The following ELMO1 variants were observed in gnomAD, a reference collection of about 807,000 sequenced individuals.
The protein encoded by ELMO1 is engulfment and cell motility 1, also known as engulfment and cell motility protein 1.
A neutral mutation model predicts 98.9 loss-of-function variants in ELMO1; 26 were observed. That is an observed-to-expected ratio of 0.26 (90% CI 0.19 to 0.36). The LOEUF (loss-of-function observed/expected upper bound fraction) is 0.36, where lower values mean the gene tolerates loss of function less well. ELMO1 is among the 10% of genes least tolerant of loss of function. The probability of loss-of-function intolerance (pLI) is 1.00; values close to 1 mark genes in which losing one functional copy is unlikely to be tolerated. For synonymous variants in ELMO1, 346 were observed against 346.0 expected (o/e 1.00, Z 0.00); for missense variants, 627 against 935.2 (o/e 0.67, Z 4.30).
intron 15 of ELMO1, among the ~76,000 whole-genome samples, chr7:37,030,426 CAA>C (rs1243287769): frequency 2.1e-5 from 3 of 144,238 alleles, no homozygotes; most frequent in Non-Finnish European, 4.5e-5. Flanking sequence ...TTCTCTAAAA[CAA>C]GAGAGCATTT....
chr7:37,010,184 A>AG (rs1397621948), intron 16 of ELMO1, among the ~76,000 whole-genome samples: 1 of 152,234 alleles, frequency 6.6e-6, no homozygotes, highest in Non-Finnish European at 1.5e-5. Context: ...CATGTCTACC[A>AG]GCAAAAAGAA....
At chr7:37,391,048 C>CTTCCTTCCTTCT (rs1401507962) in intron 1 of ELMO1, among the ~76,000 whole-genome samples, 7 of 149,586 alleles carry the variant, frequency 4.7e-5, no homozygotes, top group African/African-American at 1.7e-4. Context: ...TCCTTCCTTC[C>CTTCCTTCCTTCT]TTCCTTCCTT....
At chr7:37,207,097 G>A (rs1260047028) in intron 13 of ELMO1, among the ~76,000 whole-genome samples, 2 of 152,190 alleles carry the variant, frequency 1.3e-5, no homozygotes, top group African/African-American at 2.4e-5. Context: ...TGCAGAGTGT[G>A]AAAGCCATGG....
At chr7:37,349,499 G>T (rs778383754) in intron 1 of ELMO1, among the ~76,000 whole-genome samples, 4 of 152,046 alleles carry the variant, frequency 2.6e-5, no homozygotes, top group Non-Finnish European at 5.9e-5. Context: ...TGTCACCCAG[G>T]CTGGAGTGCA....
At chr7:37,273,686 G>A (rs187402031) in intron 4 of ELMO1, among the ~76,000 whole-genome samples, 5 of 152,276 alleles carry the variant, frequency 3.3e-5, no homozygotes, top group Admixed American at 2.0e-4. Context: ...GACTCACCGT[G>A]GTCGCATGCC....
chr7:37,261,619 T>G (rs1055522789), intron 5 of ELMO1, among the ~76,000 whole-genome samples: 7 of 152,142 alleles, frequency 4.6e-5, no homozygotes, highest in Non-Finnish European at 8.8e-5. Flanking sequence ...CTTTCTTTTT[T>G]TTTTAGGGAG....
rs1033424769 is a variant in ELMO1 at position 37,393,148 on chromosome 7, A to T, written c.-73-50385T>A. On this transcript the variant is annotated intron_variant, in intron 1 of 21. Transcript: ENST00000310758. Reference sequence around the variant, plus strand: ...CATTAATTTTTATTCTTTCTTAAAAATTTTTATTTTGAAGCAATCTCCAAT... The same window carrying T: ...CATTAATTTTTATTCTTTCTTAAAATTTTTTATTTTGAAGCAATCTCCAAT... Among the ~76,000 whole-genome samples the T allele has an allele frequency of 6.6e-5, 10 of 152,326 alleles. No individual in the cohort carries two copies. The East Asian group carries it at 1.9e-3, about 29-fold the overall frequency.
intron 13 of ELMO1, among the ~76,000 whole-genome samples, chr7:37,170,269 C>T (rs1014319956): frequency 6.6e-6 from 1 of 152,242 alleles, no homozygotes; most frequent in Non-Finnish European, 1.5e-5. Context: ...CAATGAATGG[C>T]ATCTTTCAAT....
chr7:37,435,776 A>G (rs1275156282), intron 1 of ELMO1, among the ~76,000 whole-genome samples: 1 of 152,212 alleles, frequency 6.6e-6, no homozygotes, highest in African/African-American at 2.4e-5. Flanking sequence ...GACTGGAAGG[A>G]TGTCTCACTG....
At chr7:36,998,483 A>C (rs1792383151) in intron 16 of ELMO1, among the ~76,000 whole-genome samples, 1 of 152,134 alleles carries the variant, frequency 6.6e-6, no homozygotes, top group South Asian at 2.1e-4. Flanking sequence ...ACGTATATTC[A>C]ATGTGCCATT....
chr7:37,314,715 T>C (rs900510375), intron 4 of ELMO1, 135 bp downstream of exon 4: 1 of 693,656 alleles, frequency 1.4e-6, no homozygotes, highest in African/African-American at 1.8e-5. Flanking sequence ...AGTTGTTTGC[T>C]TTACAGACTC....
chr7:36,855,533 T>C lies in ELMO1; in HGVS notation c.*18A>G, dbSNP rs745767117. The C allele has an allele frequency of 1.9e-6, 3 of 1,613,478 alleles. No homozygotes were observed. The highest frequency in any genetic ancestry group is 1.7e-6 in the Non-Finnish European group (2 of 1,179,876). On this transcript the variant is annotated 3_prime_UTR_variant, in exon 22 of 22. Coordinates refer to ENST00000310758, the MANE Select transcript of ELMO1 (RefSeq NM_014800.11). This position sits in a 1 kb window ranked among gnomAD's most constrained non-coding sequence, Gnocchi z 4.2. Reference sequence around the variant, plus strand: ...AGGTGTTCCAGTTTTGGAAGGGGCATGTCTGGGCCCGGCCACTTCAGTTAC... The same window carrying C: ...AGGTGTTCCAGTTTTGGAAGGGGCACGTCTGGGCCCGGCCACTTCAGTTAC...
At chr7:37,199,159 G>T (rs1792143824) in intron 13 of ELMO1, among the ~76,000 whole-genome samples, 1 of 152,358 alleles carries the variant, frequency 6.6e-6, no homozygotes. Context: ...GAAGAAACCT[G>T]TCTCTTCACC....
chr7:37,069,056 C>T (rs74827994), intron 15 of ELMO1, among the ~76,000 whole-genome samples: 4,688 of 152,208 alleles, frequency 0.031, 120 homozygotes, highest in African/African-American at 0.066. Flanking sequence ...TCTATCCTGA[C>T]AGTAGGACAC....
At chr7:37,131,770 C>T (rs1161576397) in intron 14 of ELMO1, among the ~76,000 whole-genome samples, 2 of 152,158 alleles carry the variant, frequency 1.3e-5, no homozygotes, top group Non-Finnish European at 2.9e-5. Flanking sequence ...TGATCCCAAA[C>T]CTTTCAGAGA....
At chr7:37,275,090 T>C (rs1392705541) in intron 4 of ELMO1, among the ~76,000 whole-genome samples, 2 of 152,216 alleles carry the variant, frequency 1.3e-5, no homozygotes, top group Non-Finnish European at 2.9e-5. Context: ...CCAGGTAGTC[T>C]GACAACAAAT....
chr7:37,056,128 G>A lies in ELMO1; in HGVS notation c.1300+40491C>T, dbSNP rs187613697. Reference sequence around the variant, plus strand: ...GAAGATTTTAGTTCTAGTAAAATTTGTTGAGTCGTTCTCACACTTTGGGGA... The same window carrying A: ...GAAGATTTTAGTTCTAGTAAAATTTATTGAGTCGTTCTCACACTTTGGGGA... On this transcript the variant is annotated intron_variant, in intron 15 of 21. Transcript: ENST00000310758. Among the ~76,000 whole-genome samples, 3 of 152,298 alleles carry A rather than the reference G, an allele frequency of 2.0e-5. No individual in the cohort carries two copies. In the East Asian group the frequency reaches 5.8e-4, roughly 29 times the overall value.
intron 4 of ELMO1, among the ~76,000 whole-genome samples, chr7:37,278,883 A>G (rs2130891462): frequency 6.6e-6 from 1 of 152,306 alleles, no homozygotes; most frequent in South Asian, 2.1e-4. Context: ...AGGCCAGAGA[A>G]GAAACTGCAT....
chr7:37,292,818 C>T (rs1322374787), intron 4 of ELMO1, among the ~76,000 whole-genome samples: 6 of 111,978 alleles, frequency 5.4e-5, no homozygotes, highest in South Asian at 3.1e-4. Context: ...CCCGGCCAGC[C>T]GCCCTGTCCG....
Sources: allele counts gnomAD v4.1 joint callset (sites outside exome capture counted in the v4.1 genomes callset), GRCh38; gene constraint gnomAD v4.1.1; non-coding constraint Gnocchi (gnomAD v3.1); transcripts MANE v1.5; gene names NCBI Gene and HGNC (gene_info 2026-07-23, HGNC 2026-07-21).